Variants in PTPRD observed in about 807,000 individuals in gnomAD.
PTPRD encodes the protein receptor-type tyrosine-protein phosphatase delta.
A neutral mutation model predicts 214.5 loss-of-function variants in PTPRD; 34 were observed. The observed-to-expected ratio is 0.16, with a 90% CI of 0.12 to 0.21. The LOEUF (loss-of-function observed/expected upper bound fraction) is 0.21. PTPRD is among the 10% of genes least tolerant of loss of function. The pLI, the probability that PTPRD is intolerant of heterozygous loss-of-function variation, is 1.00. For synonymous variants in PTPRD, 1,128 were observed against 845.7 expected (o/e 1.33, Z -5.79); for missense variants, 2,545 against 2,398.7 (o/e 1.06, Z -1.27).
intron 7 of PTPRD, among the ~76,000 whole-genome samples, chr9:9,679,056 T>C (rs959864946): frequency 3.3e-5 from 5 of 151,016 alleles, no homozygotes; most frequent in Non-Finnish European, 7.4e-5. Context: ...CTTTAAAGCT[T>C]ATTAGGGAGT....
At chr9:10,181,386 A>C (rs1205032592) in intron 3 of PTPRD, among the ~76,000 whole-genome samples, 1 of 152,176 alleles carries the variant, frequency 6.6e-6, no homozygotes, top group Non-Finnish European at 1.5e-5. Context: ...AAATTTAGAG[A>C]AATTCTGTGT....
At chr9:10,145,929 G>A (rs1228567180) in intron 3 of PTPRD, among the ~76,000 whole-genome samples, 3 of 151,392 alleles carry the variant, frequency 2.0e-5, no homozygotes, top group African/African-American at 4.9e-5. Context: ...CAAATATAGT[G>A]TATATGTATG....
chr9:8,335,527 G>A (rs1341254415), intron 43 of PTPRD, among the ~76,000 whole-genome samples: 2 of 152,214 alleles, frequency 1.3e-5, no homozygotes, highest in Non-Finnish European at 2.9e-5. Context: ...TAAACGCACA[G>A]CCACTGTCAT....
chr9:9,170,150 T>G (rs2099911657), intron 10 of PTPRD, among the ~76,000 whole-genome samples: 1 of 152,220 alleles, frequency 6.6e-6, no homozygotes, highest in African/African-American at 2.4e-5. Context: ...ATTACAAAAT[T>G]GGATCAAAGG....
chr9:10,194,433 G>A (rs957376774), intron 3 of PTPRD, among the ~76,000 whole-genome samples: 2 of 148,160 alleles, frequency 1.3e-5, no homozygotes, highest in African/African-American at 5.0e-5. Context: ...TTGGCAGAAT[G>A]GCTGTTAGAG....
At chr9:10,513,493 G>C (rs1175578214) in intron 2 of PTPRD, among the ~76,000 whole-genome samples, 1 of 152,200 alleles carries the variant, frequency 6.6e-6, no homozygotes, top group Admixed American at 6.5e-5. Context: ...AAGAGCAATG[G>C]CAATTGCAAG....
Position 10,560,619 on chromosome 9 carries a change from A to G in PTPRD, c.-600+51779T>C, listed in dbSNP as rs576795728. On this transcript the variant is annotated intron_variant, in intron 2 of 45. Transcript: ENST00000381196. ...TGAAGGTTGATGTCCAGTTTAATCA[A>G]ATATGGAGTAAGAATAAGAGAATCT... 5.4e-4 allele frequency among the ~76,000 whole-genome samples: 82 copies of G among 151,654 alleles called. 1 individual carries two copies. The South Asian group carries it at 0.017, about 31-fold the overall frequency.
At chr9:8,870,126 T>TAAAAAAAAAA (rs5896269) in intron 11 of PTPRD, among the ~76,000 whole-genome samples, 1 of 137,582 alleles carries the variant, frequency 7.3e-6, no homozygotes. Flanking sequence ...TTCCATCAGT[T>TAAAAAAAAAA]AAAAAAAAAA....
chr9:10,184,990 C>G (rs1287971165), intron 3 of PTPRD, among the ~76,000 whole-genome samples: 1 of 152,082 alleles, frequency 6.6e-6, no homozygotes, highest in African/African-American at 2.4e-5. Context: ...ACATTCATAA[C>G]CTTTTGTGTA....
chr9:9,843,978 A>G (rs758053360), intron 5 of PTPRD, among the ~76,000 whole-genome samples: 2 of 151,996 alleles, frequency 1.3e-5, no homozygotes, highest in Non-Finnish European at 2.9e-5. Flanking sequence ...TTAGAAACAT[A>G]TACCTATGTA....
chr9:10,382,568 A>C (rs1233916151), intron 2 of PTPRD, among the ~76,000 whole-genome samples: 1 of 151,910 alleles, frequency 6.6e-6, no homozygotes, highest in Non-Finnish European at 1.5e-5. Flanking sequence ...CAGGTTCACT[A>C]TCATATACCC....
chr9:9,684,393 A>G (rs2097131558), intron 7 of PTPRD, among the ~76,000 whole-genome samples: 1 of 151,678 alleles, frequency 6.6e-6, no homozygotes, highest in Non-Finnish European at 1.5e-5. Flanking sequence ...GGCATTTTGA[A>G]CAACAGATGT....
chr9:9,464,647 G>A (rs934825293), intron 8 of PTPRD, among the ~76,000 whole-genome samples: 6 of 152,084 alleles, frequency 3.9e-5, no homozygotes, highest in African/African-American at 1.2e-4. Context: ...TAACATTGGA[G>A]AGTCTATCAA....
chr9:8,377,864 G>A (rs2083726783), intron 37 of PTPRD, among the ~76,000 whole-genome samples: 1 of 152,038 alleles, frequency 6.6e-6, no homozygotes, highest in East Asian at 1.9e-4. Flanking sequence ...AACATTCTGT[G>A]AATAATACTG....
intron 9 of PTPRD, among the ~76,000 whole-genome samples, chr9:9,239,602 A>G (rs144497515): frequency 6.6e-6 from 1 of 152,252 alleles, no homozygotes. Context: ...CTCTCCTGAA[A>G]TCTTACACAC....
chr9:8,782,495 T>C (rs1298470294), intron 11 of PTPRD, among the ~76,000 whole-genome samples: 5 of 152,126 alleles, frequency 3.3e-5, no homozygotes, highest in African/African-American at 1.2e-4. Flanking sequence ...TTTCATCATA[T>C]GGCTAAAACA....
rs2042501426 is a variant in PTPRD at position 9,332,022 on chromosome 9, A to G, written c.-203+65427T>C. 2.0e-5 allele frequency among the ~76,000 whole-genome samples: 3 copies of G among 152,122 alleles called. 1 individual carries two copies. The highest frequency in any genetic ancestry group is 3.9e-4 in the East Asian group (2 of 5,160). On this transcript the variant is annotated intron_variant, in intron 9 of 45. Transcript: ENST00000381196. ...GAATAAAAGGCTATGCTAATTACAT[A>G]TTTGTTCCCTCTCTGCGGAGTCTGC...
chr9:8,730,499 C>T (rs2098645357), intron 12 of PTPRD, among the ~76,000 whole-genome samples: 1 of 152,122 alleles, frequency 6.6e-6, no homozygotes, highest in South Asian at 2.1e-4. Context: ...ATTATAATGA[C>T]CACAGTGTAA....
chr9:10,064,492 A>G (rs12339846), intron 3 of PTPRD, among the ~76,000 whole-genome samples: 72 of 152,106 alleles, frequency 4.7e-4, no homozygotes, highest in African/African-American at 1.7e-3. Flanking sequence ...TCTTCCAGTG[A>G]AATCAAACTC....
Sources: gnomAD v4.1 joint callset for allele counts (sites outside exome capture counted in the v4.1 genomes callset) on GRCh38, gnomAD v4.1.1 for gene constraint, MANE v1.5 for transcripts, NCBI Gene and HGNC (gene_info 2026-07-23, HGNC 2026-07-21) for gene names.